PUM1: variants seen among roughly 807,000 people sequenced by gnomAD.
PUM1 encodes pumilio RNA binding family member 1.
A neutral mutation model predicts 131.8 loss-of-function variants in PUM1; 13 were observed. The observed-to-expected ratio is 0.10, with a 90% CI of 0.06 to 0.16. PUM1 has a LOEUF of 0.16. Ranked by LOEUF, PUM1 falls within the 10% of genes least tolerant of loss-of-function variation. The pLI, the probability that PUM1 is intolerant of heterozygous loss-of-function variation, is 1.00. For synonymous variants in PUM1, 509 were observed against 556.5 expected, an observed-to-expected ratio of 0.91 and a Z score of 1.20; for missense variants, 961 against 1,512.4, an observed-to-expected ratio of 0.64 and a Z score of 6.05.
In PUM1 at chr1:31,043,006, C is replaced by T. The variant is rs571851888; in HGVS notation, c.364-14142G>A. Among the ~76,000 whole-genome samples, 28 of 152,084 alleles carry T rather than the reference C, an allele frequency of 1.8e-4. No individual in the cohort carries two copies. In the South Asian group the frequency reaches 5.8e-3, roughly 32 times the overall value. On this transcript the variant is annotated intron_variant, in intron 2 of 21. Transcript: ENST00000426105. ...ATGTGCTGGGATTACAGGCATGAGCCACCACGCCTAGCCAGAAACAATTAT... is the reference window on the plus strand; with the variant it reads ...ATGTGCTGGGATTACAGGCATGAGCTACCACGCCTAGCCAGAAACAATTAT...
At chr1:30,996,209 T>C (rs1641974329) in intron 5 of PUM1, among the ~76,000 whole-genome samples, 1 of 152,184 alleles carries the variant, frequency 6.6e-6, no homozygotes, top group African/African-American at 2.4e-5. Context: ...GCCTTGCTTT[T>C]CCCCACGACT....
chr1:30,997,768 G>A (rs534321729), intron 5 of PUM1, among the ~76,000 whole-genome samples: 57 of 151,940 alleles, frequency 3.8e-4, no homozygotes, highest in African/African-American at 1.1e-3. Context: ...GCAGTGGTGC[G>A]ATCTCAGGTC....
Position 31,059,510 on chromosome 1 carries a change from G to A in PUM1, c.57C>T (p.Ser19=). 1.2e-6 allele frequency: 2 copies of A among 1,614,078 alleles called. No individual in the cohort carries two copies. The highest frequency in any genetic ancestry group is 1.1e-5 in the South Asian group (1 of 91,068). The change falls in exon 2 of 22, where the codon AGC becomes AGT. Residue 19 remains serine (S), a synonymous_variant. Transcript: ENST00000426105. ...CTTGAGGGTGATGTTTCAGGTGGGG[G>A]CTGAAAGAGTCCTGCCAAAGCACTG... ...RKAVLWQDSF[S]PHLKHHPQEP... is the part of the protein sequence containing the mutation.
chr1:31,052,864 C>T (rs1167269901), intron 2 of PUM1, among the ~76,000 whole-genome samples: 2 of 151,450 alleles, frequency 1.3e-5, no homozygotes, highest in South Asian at 2.1e-4. Flanking sequence ...CCACGACGCC[C>T]GGCTGATTTT....
At chr1:30,959,255 A>G (rs1259185484) in intron 14 of PUM1, among the ~76,000 whole-genome samples, 1 of 152,218 alleles carries the variant, frequency 6.6e-6, no homozygotes, top group African/African-American at 2.4e-5. Context: ...GGGATGGTAC[A>G]CTTCGAATTT....
At chr1:31,056,469 G>C (rs1282041219) in intron 2 of PUM1, among the ~76,000 whole-genome samples, 2 of 151,828 alleles carry the variant, frequency 1.3e-5, no homozygotes, top group South Asian at 2.1e-4. Context: ...TATTAGTAGA[G>C]ACGGGGTTTC....
rs146856123 is a variant in PUM1, at chr1:31,038,919, T to C, written c.364-10055A>G. Among the ~76,000 whole-genome samples the C allele has an allele frequency of 5.1e-3, 707 of 138,006 alleles. 5 individuals are homozygous for C. The highest frequency in any genetic ancestry group is 0.034 in the East Asian group (159 of 4,730). 90.5% of individuals were successfully genotyped at this position (138,006 alleles called of 152,430 possible). A position where few individuals can be genotyped will look rare whatever the true frequency, so the allele number is the denominator to read the frequency against. On this transcript the variant is annotated intron_variant, in intron 2 of 21. Transcript: ENST00000426105. ...CAGCAGTAATTATTAAAGCATATAC[T>C]TAGAGAATTTATATAGCCATTTAAA...
chr1:30,996,064 T>C (rs759086185), intron 5 of PUM1, among the ~76,000 whole-genome samples: 7 of 152,212 alleles, frequency 4.6e-5, no homozygotes, highest in Non-Finnish European at 7.3e-5. Context: ...CCTGGACATA[T>C]AAAGTACATG....
chr1:31,012,003 A>C (rs1642636580), intron 3 of PUM1, among the ~76,000 whole-genome samples: 1 of 152,220 alleles, frequency 6.6e-6, no homozygotes, highest in South Asian at 2.1e-4. Flanking sequence ...CATATGATGC[A>C]CAAAGAAGCC....
At chr1:31,004,375 C>T (rs1642325575) in intron 5 of PUM1, among the ~76,000 whole-genome samples, 1 of 152,194 alleles carries the variant, frequency 6.6e-6, no homozygotes, top group African/African-American at 2.4e-5. Context: ...GTCACAGGTT[C>T]CAGTTCACCA....
chr1:31,026,045 A>C (rs1171456873), intron 3 of PUM1, among the ~76,000 whole-genome samples: 1 of 152,068 alleles, frequency 6.6e-6, no homozygotes, highest in Non-Finnish European at 1.5e-5. Context: ...TGAGCTCAGA[A>C]GTTCAAGACC....
chr1:30,935,513 GAATA>G (rs946320256), intron 21 of PUM1, among the ~76,000 whole-genome samples: 6 of 152,188 alleles, frequency 3.9e-5, no homozygotes, highest in Non-Finnish European at 7.3e-5. Flanking sequence ...ATGAATGAAT[GAATA>G]GACATGTCTT....
At chr1:31,020,066 C>T (rs1315824614) in intron 3 of PUM1, among the ~76,000 whole-genome samples, 1 of 152,172 alleles carries the variant, frequency 6.6e-6, no homozygotes. Context: ...CTCCCTCCTT[C>T]CCTTTCCCTT....
At chr1:31,004,939 C>A (rs1348517325) in intron 5 of PUM1, among the ~76,000 whole-genome samples, 1 of 152,172 alleles carries the variant, frequency 6.6e-6, no homozygotes, top group Admixed American at 6.5e-5. Context: ...CAGGTGATAT[C>A]AGCCCAAAAT....
chr1:31,001,371 CAA>C (rs11341741), intron 5 of PUM1, among the ~76,000 whole-genome samples: 4 of 144,290 alleles, frequency 2.8e-5, no homozygotes, highest in East Asian at 2.0e-4. Flanking sequence ...GAGATTGTCT[CAA>C]AAAAAAAAAA....
At chr1:30,975,592 C>T (rs1641105116) in intron 9 of PUM1, among the ~76,000 whole-genome samples, 1 of 141,432 alleles carries the variant, frequency 7.1e-6, no homozygotes, top group Admixed American at 7.8e-5. Context: ...TGGGCTCAAG[C>T]GATCCATCTG....
At chr1:31,006,484 C>T (rs188458829) in intron 4 of PUM1, among the ~76,000 whole-genome samples, 5 of 152,304 alleles carry the variant, frequency 3.3e-5, no homozygotes, top group Non-Finnish European at 5.9e-5. Context: ...TCTCCTTCCT[C>T]CCTATCATCT....
At chr1:30,949,984 T>C in intron 17 of PUM1, 143 bp downstream of exon 17, 1 of 871,420 alleles carries the variant, frequency 1.1e-6, no homozygotes, top group Non-Finnish European at 1.7e-6. Flanking sequence ...GCACAGTTCA[T>C]GCTTGCCATG....
intron 2 of PUM1, among the ~76,000 whole-genome samples, chr1:31,032,584 AAAG>A (rs1643470272): frequency 1.3e-5 from 2 of 151,878 alleles, no homozygotes; most frequent in African/African-American, 4.8e-5. Context: ...AAAAAAAAAA[AAAG>A]GTTTTTAATC....
Sources: gnomAD v4.1 joint callset for allele counts (sites outside exome capture counted in the v4.1 genomes callset) on GRCh38, gnomAD v4.1.1 for gene constraint, MANE v1.5 for transcripts, NCBI Gene and HGNC (gene_info 2026-07-23, HGNC 2026-07-21) for gene names.